Variants in ADGRL2 observed in about 807,000 individuals in gnomAD.
ADGRL2 encodes calcium-independent alpha-latrotoxin receptor 2.
In ADGRL2, 44 loss-of-function variants were observed where a neutral mutation model predicts 157.4. That is an observed-to-expected ratio of 0.28 (90% CI 0.22 to 0.36). ADGRL2 has a LOEUF of 0.36. Among genes scored for constraint, ADGRL2 ranks in the 10% least tolerant of loss-of-function variants. The pLI is 1.00. For missense variants in ADGRL2, 1,510 were observed against 1,768.9 expected, an observed-to-expected ratio of 0.85 and a Z score of 2.63; for synonymous variants, 585 against 624.7, an observed-to-expected ratio of 0.94 and a Z score of 0.95.
At chr1:81,919,959 A>T (rs964825827) in intron 3 of ADGRL2, among the ~76,000 whole-genome samples, 10 of 152,184 alleles carry the variant, frequency 6.6e-5, no homozygotes, top group African/African-American at 2.4e-4. Flanking sequence ...TGTAACCAAG[A>T]TTATTTTTTA....
At chr1:81,413,116 G>A (rs1183702744) in intron 1 of ADGRL2, among the ~76,000 whole-genome samples, 1 of 152,038 alleles carries the variant, frequency 6.6e-6, no homozygotes, top group African/African-American at 2.4e-5. Flanking sequence ...TACCAGGAAT[G>A]CACTGCATTC....
At chr1:81,351,578 A>G (rs904078154) in intron 1 of ADGRL2, among the ~76,000 whole-genome samples, 6 of 148,942 alleles carry the variant, frequency 4.0e-5, no homozygotes, top group African/African-American at 7.4e-5. Flanking sequence ...ATGCACAAAG[A>G]AAAAAATGAT....
At chr1:81,656,334 A>G (rs1333167360) in intron 3 of ADGRL2, among the ~76,000 whole-genome samples, 2 of 152,230 alleles carry the variant, frequency 1.3e-5, no homozygotes, top group African/African-American at 4.8e-5. Context: ...ACTGAAGTTA[A>G]GAAGTCTGCC....
intron 3 of ADGRL2, among the ~76,000 whole-genome samples, chr1:81,675,614 C>G (rs1290164894): frequency 2.0e-5 from 3 of 150,516 alleles, no homozygotes; most frequent in Non-Finnish European, 4.4e-5. Context: ...CAGAGTCTCA[C>G]TCTGTCACCC....
At chr1:81,984,523 TAGAG>T (rs1329364883) in intron 19 of ADGRL2, 56 bp from the exon 20 acceptor site, 15 of 1,414,244 alleles carry the variant, frequency 1.1e-5, no homozygotes, top group Non-Finnish European at 1.4e-5. Context: ...TTCATTTAAT[TAGAG>T]AGAGAGAAGC....
chr1:81,707,612 A>G (rs1449833407), intron 1 of ADGRL2, among the ~76,000 whole-genome samples: 1 of 151,808 alleles, frequency 6.6e-6, no homozygotes, highest in Non-Finnish European at 1.5e-5. Context: ...AAATGAAGGT[A>G]TATCTTTCCT....
intron 2 of ADGRL2, among the ~76,000 whole-genome samples, chr1:81,549,492 T>C (rs2080093661): frequency 6.6e-6 from 1 of 152,196 alleles, no homozygotes; most frequent in African/African-American, 2.4e-5. Context: ...ACTACTGACA[T>C]GCCAAATAGT....
At chr1:81,450,682 C>T (rs1485069150) in intron 2 of ADGRL2, among the ~76,000 whole-genome samples, 1 of 151,876 alleles carries the variant, frequency 6.6e-6, no homozygotes, top group Admixed American at 6.6e-5. Flanking sequence ...TCAACCAATA[C>T]TTATTATTTA....
chr1:81,738,623 T>G (rs1258999104), intron 1 of ADGRL2, among the ~76,000 whole-genome samples: 2 of 152,214 alleles, frequency 1.3e-5, no homozygotes, highest in Non-Finnish European at 2.9e-5. Context: ...GAGACCCCTC[T>G]ACATGCAGTG....
chr1:81,770,833 A>C (rs1243732999), intron 2 of ADGRL2, among the ~76,000 whole-genome samples: 1 of 152,188 alleles, frequency 6.6e-6, no homozygotes, highest in Non-Finnish European at 1.5e-5. Context: ...ACTCTTAAAT[A>C]CCTTTTTTAC....
intron 2 of ADGRL2, among the ~76,000 whole-genome samples, chr1:81,865,198 T>C (rs957465829): frequency 5.9e-5 from 9 of 152,290 alleles, no homozygotes; most frequent in African/African-American, 1.9e-4. Flanking sequence ...TGTAACCTTA[T>C]TTTGTTTTTC....
rs1366970123 is a variant in ADGRL2, at chr1:81,966,675, T to G, written c.2349+66T>G. On this transcript the variant is annotated intron_variant, in intron 13 of 23. Transcript: ENST00000686636. Reference sequence around the variant, plus strand: ...AAGCAGAAAGAAAGGAAAGCAAAACTGAGGTGCTGGGGATGGGGAGAGAAC... The same window carrying G: ...AAGCAGAAAGAAAGGAAAGCAAAACGGAGGTGCTGGGGATGGGGAGAGAAC... The G allele has an allele frequency of 2.9e-6, 4 of 1,402,840 alleles. No individual in the cohort carries two copies. The African/African-American group carries it at 5.7e-5, about 20-fold the overall frequency. The allele number at this position is 1,402,840 out of a possible 1,614,324, so 86.9% of individuals were successfully genotyped here. A position where few individuals can be genotyped will look rare whatever the true frequency, so the allele number is the denominator to read the frequency against.
At chr1:81,519,838 T>G (rs1557753675) in intron 2 of ADGRL2, among the ~76,000 whole-genome samples, 1 of 152,094 alleles carries the variant, frequency 6.6e-6, no homozygotes, top group Non-Finnish European at 1.5e-5. Context: ...GAGAAAAAAG[T>G]ACCCAGCCCC....
chr1:81,651,756 C>A (rs1023607859), intron 3 of ADGRL2, among the ~76,000 whole-genome samples: 13 of 152,130 alleles, frequency 8.5e-5, no homozygotes, highest in African/African-American at 3.1e-4. Flanking sequence ...TTTTTAGAGA[C>A]AGGATCTTGC....
At chr1:81,881,550 G>A (rs1019937884) in intron 2 of ADGRL2, among the ~76,000 whole-genome samples, 1 of 152,134 alleles carries the variant, frequency 6.6e-6, no homozygotes, top group South Asian at 2.1e-4. Context: ...TACTGAAAAA[G>A]GAAAGAAACC....
At chr1:81,791,265 C>T (rs1024439391) in intron 2 of ADGRL2, among the ~76,000 whole-genome samples, 4 of 151,728 alleles carry the variant, frequency 2.6e-5, no homozygotes, top group Non-Finnish European at 4.4e-5. Context: ...TTTGGTAGAC[C>T]AGAGACTTTA....
Position 81,489,894 on chromosome 1 carries a change from G to A in ADGRL2, c.-248+44805G>A, listed in dbSNP as rs557554494. The stretch of plus-strand genomic sequence containing the variant: ...ATTCAAAAATTAAAAAGAAATTAAA[G>A]GATGGTTAGATAAACAAAAGCTAAG... On this transcript the variant is annotated intron_variant, in intron 2 of 24. Transcript: ENST00000370721. Among the ~76,000 whole-genome samples, 18 of 152,228 alleles carry A rather than the reference G, an allele frequency of 1.2e-4. 1 individual carries two copies. The South Asian group carries it at 3.7e-3, about 32-fold the overall frequency.
intron 1 of ADGRL2, among the ~76,000 whole-genome samples, chr1:81,701,588 A>T (rs1043050866): frequency 2.6e-5 from 4 of 152,136 alleles, no homozygotes; most frequent in African/African-American, 7.2e-5. Flanking sequence ...CCAAATTCCC[A>T]ACTATCTGGA....
Position 81,657,979 on chromosome 1 carries a change from G to A in ADGRL2, c.-143+76999G>A, listed in dbSNP as rs144209215. 1.8e-3 allele frequency among the ~76,000 whole-genome samples: 272 copies of A among 152,182 alleles called. 1 individual carries two copies. Among genetic ancestry groups the A allele is most frequent in the African/African-American group, 6.3e-3 (261 of 41,524 alleles). ...AATAAAAAGGATGGCAAGTCAAAAG[G>A]CTTATGTGCACCTGGAGGAATATTG... is the stretch of plus-strand genomic sequence containing the variant. On this transcript the variant is annotated intron_variant, in intron 3 of 24. Coordinates refer to the ADGRL2 transcript ENST00000370721.
Sources: gnomAD v4.1 joint callset for allele counts (sites outside exome capture counted in the v4.1 genomes callset) on GRCh38, gnomAD v4.1.1 for gene constraint, MANE v1.5 for transcripts, NCBI Gene and HGNC (gene_info 2026-07-23, HGNC 2026-07-21) for gene names.